PCSK5: variants seen among roughly 807,000 people sequenced by gnomAD.
PCSK5 encodes prohormone convertase 5.
A neutral mutation model predicts 233.2 loss-of-function variants in PCSK5; 129 were observed. The ratio of observed to expected loss-of-function variants is 0.55; its 90% CI spans 0.48 to 0.64. PCSK5 has a LOEUF of 0.64. PCSK5 is among the 30% of genes least tolerant of loss of function. PCSK5 has a pLI of 0.00. For synonymous variants in PCSK5, 825 were observed against 879.2 expected (o/e 0.94, Z 1.09); for missense variants, 2,076 against 2,430.1 (o/e 0.85, Z 3.06).
At chr9:76,240,152 AAG>A (rs1378629269) in intron 23 of PCSK5, among the ~76,000 whole-genome samples, 8 of 152,356 alleles carry the variant, frequency 5.3e-5, no homozygotes, top group African/African-American at 1.4e-4. Context: ...TCTGGTGCTG[AAG>A]AGAGCTCCAA....
Position 76,362,668 on chromosome 9 carries a change from C to A in PCSK5, c.*3746C>A, listed in dbSNP as rs1830447654. 6.6e-6 allele frequency among the ~76,000 whole-genome samples: 1 copy of A among 152,250 alleles called. No individual in the cohort carries two copies. The highest frequency in any genetic ancestry group is 2.4e-5 in the African/African-American group (1 of 41,482). On this transcript the variant is annotated 3_prime_UTR_variant, in exon 38 of 38. Transcript: ENST00000674117. ...AAATCCACAGGCAGACAGCCCGGCG[C>A]TACGCCCTGGGCCTGGCAGTTAAAG...
chr9:76,350,515 T>A (rs371961391), intron 35 of PCSK5, among the ~76,000 whole-genome samples: 2 of 152,172 alleles, frequency 1.3e-5, no homozygotes, highest in South Asian at 4.1e-4. Context: ...AGTTAAACAA[T>A]AAGCAGAATA....
chr9:76,159,321 G>C (rs1234847453), intron 12 of PCSK5, 150 bp downstream of exon 12: 1 of 662,128 alleles, frequency 1.5e-6, no homozygotes, highest in East Asian at 2.7e-5. Context: ...CATAAGTAGA[G>C]AGTGTGAAGC....
rs139125900 is a variant in PCSK5 at position 76,019,419 on chromosome 9, C to T, written c.412-4319C>T. 7.6e-3 allele frequency among the ~76,000 whole-genome samples: 1,158 copies of T among 151,992 alleles called. 12 individuals are homozygous for T. The highest frequency in any genetic ancestry group is 0.024 in the African/African-American group (1,000 of 41,462). On this transcript the variant is annotated intron_variant, in intron 3 of 37. Coordinates refer to ENST00000674117, the MANE Select transcript of PCSK5 (RefSeq NM_001372043.1). Reference sequence around the variant, plus strand: ...TATTTTCTTGTTAATGTTGTATAGTCGGAGATGAAGTCTTATAAGCCACTC... The same window carrying T: ...TATTTTCTTGTTAATGTTGTATAGTTGGAGATGAAGTCTTATAAGCCACTC...
intron 24 of PCSK5, among the ~76,000 whole-genome samples, chr9:76,266,148 A>G (rs1827325759): frequency 6.6e-6 from 1 of 152,214 alleles, no homozygotes; most frequent in Non-Finnish European, 1.5e-5. Context: ...AAGAAAGCAC[A>G]GTTTTCATGT....
At chr9:76,126,181 A>ATATGTGTGTG (rs1832846625) in intron 9 of PCSK5, among the ~76,000 whole-genome samples, 1 of 150,448 alleles carries the variant, frequency 6.6e-6, no homozygotes, top group African/African-American at 2.4e-5. Flanking sequence ...GTGTGTGTGT[A>ATATGTGTGTG]TGTGTGTGTG....
chr9:76,311,985 T>G (rs1440057656), intron 30 of PCSK5, among the ~76,000 whole-genome samples: 1 of 152,178 alleles, frequency 6.6e-6, no homozygotes, highest in African/African-American at 2.4e-5. Flanking sequence ...GTCGCAAGAA[T>G]GCATCACTGA....
intron 4 of PCSK5, among the ~76,000 whole-genome samples, chr9:76,025,839 G>A (rs1204622645): frequency 1.3e-5 from 2 of 152,120 alleles, no homozygotes; most frequent in African/African-American, 2.4e-5. Context: ...CTATAAAAAT[G>A]TTCTACTATA....
intron 24 of PCSK5, among the ~76,000 whole-genome samples, chr9:76,263,213 A>T (rs1203936701): frequency 1.3e-5 from 2 of 152,176 alleles, no homozygotes; most frequent in Non-Finnish European, 2.9e-5. Flanking sequence ...TGTGGAAGTC[A>T]GTGTGGCGAT....
chr9:76,214,778 C>T (rs1050710445), intron 20 of PCSK5, among the ~76,000 whole-genome samples: 2 of 152,156 alleles, frequency 1.3e-5, no homozygotes, highest in Non-Finnish European at 2.9e-5. Context: ...ATTTCCTGAG[C>T]CTTGGTTTCC....
intron 20 of PCSK5, among the ~76,000 whole-genome samples, chr9:76,204,507 T>A (rs1825037071): frequency 6.6e-6 from 1 of 151,506 alleles, no homozygotes; most frequent in Admixed American, 6.6e-5. Context: ...TCTCCCCCCT[T>A]CTCTGGCCTT....
chr9:76,245,678 G>A (rs1587799358), intron 24 of PCSK5, among the ~76,000 whole-genome samples: 1 of 152,184 alleles, frequency 6.6e-6, no homozygotes, highest in East Asian at 1.9e-4. Flanking sequence ...GGAAGTGGTT[G>A]AAAACAAAAT....
At chr9:76,097,246 C>CTTTTTTTTTTTTTT (rs71372046) in intron 8 of PCSK5, among the ~76,000 whole-genome samples, 1 of 67,328 alleles carries the variant, frequency 1.5e-5, no homozygotes, top group African/African-American at 6.5e-5. Flanking sequence ...AAGTGCATTT[C>CTTTTTTTTTTTTTT]TTTTTTTTTT....
intron 14 of PCSK5, 72 bp downstream of exon 14, chr9:76,175,201 A>AGAATGGAATG: frequency 8.0e-7 from 1 of 1,257,218 alleles, no homozygotes; most frequent in Non-Finnish European, 1.1e-6. Context: ...ATGGGAGAAC[A>AGAATGGAATG]GAATGGAATG....
intron 24 of PCSK5, among the ~76,000 whole-genome samples, chr9:76,271,855 A>G (rs1827522886): frequency 6.6e-6 from 1 of 152,064 alleles, no homozygotes; most frequent in South Asian, 2.1e-4. Context: ...GGCATTCTTT[A>G]TCTTGCAGCT....
In PCSK5 at chr9:76,181,512, C is replaced by T. The variant is rs1823871397; in HGVS notation, c.2118C>T (p.Ser706=). The part of the protein sequence containing the change: ...CFGSHGDQCM[S]CKYGYFLNEE... ...GGAGCCATGGTGACCAATGCATGTC[C>T]TGCAAATATGGATACTTTCTGAATG... Residue 706 remains serine (S), a synonymous_variant, in exon 16 of 38, where the codon TCC becomes TCT. Coordinates refer to ENST00000674117, the MANE Select transcript of PCSK5 (RefSeq NM_001372043.1). The T allele has an allele frequency of 5.6e-6, 9 of 1,614,024 alleles. No individual in the cohort carries two copies. Among genetic ancestry groups the T allele is most frequent in the Non-Finnish European group, 7.6e-6 (9 of 1,179,924 alleles).
chr9:76,204,881 T>C (rs888483318), intron 20 of PCSK5, among the ~76,000 whole-genome samples: 21 of 152,154 alleles, frequency 1.4e-4, no homozygotes, highest in African/African-American at 4.8e-4. Context: ...TTAAATTATG[T>C]CAGATGGAAA....
At chr9:76,060,101 G>A (rs1439999617) in intron 5 of PCSK5, among the ~76,000 whole-genome samples, 2 of 152,106 alleles carry the variant, frequency 1.3e-5, no homozygotes, top group African/African-American at 2.4e-5. Context: ...TGATCCAAGA[G>A]GGAAGTATGA....
At chr9:76,276,962 T>C (rs141386871) in intron 24 of PCSK5, among the ~76,000 whole-genome samples, 3 of 152,292 alleles carry the variant, frequency 2.0e-5, no homozygotes, top group African/African-American at 4.8e-5. Flanking sequence ...GTGCAGTGGC[T>C]CACTCCTATA....
Sources: gnomAD v4.1 joint callset for allele counts (sites outside exome capture counted in the v4.1 genomes callset) on GRCh38, gnomAD v4.1.1 for gene constraint, MANE v1.5 for transcripts, NCBI Gene and HGNC (gene_info 2026-07-23, HGNC 2026-07-21) for gene names.